Variants in ITPR2 observed in about 807,000 individuals in gnomAD.
The protein encoded by ITPR2 is inositol 1,4,5-trisphosphate receptor type 2.
Under a neutral mutation model 317.1 loss-of-function variants are expected in ITPR2, and 207 were observed. The ratio of observed to expected loss-of-function variants is 0.65; its 90% CI spans 0.58 to 0.73. The LOEUF is 0.73. Ranked by LOEUF, ITPR2 falls within the 30% of genes least tolerant of loss-of-function variation. The pLI, the probability that ITPR2 is intolerant of heterozygous loss-of-function variation, is 0.00. For synonymous variants in ITPR2, 1,156 were observed against 1,149.1 expected, an observed-to-expected ratio of 1.01 and a Z score of -0.12; for missense variants, 2,613 against 3,284.0, an observed-to-expected ratio of 0.80 and a Z score of 4.99.
At chr12:26,816,859 G>C (rs1347714411) in intron 1 of ITPR2, among the ~76,000 whole-genome samples, 1 of 151,970 alleles carries the variant, frequency 6.6e-6, no homozygotes, top group Non-Finnish European at 1.5e-5. Flanking sequence ...CAGACAGAGG[G>C]AAAAGCACAT....
intron 55 of ITPR2, among the ~76,000 whole-genome samples, chr12:26,383,678 A>G (rs149840596): frequency 0.017 from 2,034 of 118,454 alleles, 30 homozygotes; most frequent in Middle Eastern, 0.041. Context: ...TGGTATTTTT[A>G]ATAGAGATGG....
intron 26 of ITPR2, among the ~76,000 whole-genome samples, 183 bp downstream of exon 26, chr12:26,620,940 A>C (rs1037741903): frequency 1.3e-5 from 2 of 152,252 alleles, no homozygotes; most frequent in Non-Finnish European, 2.9e-5. Flanking sequence ...GTAGAAATTG[A>C]TAAGAGCTAA....
At chr12:26,428,786 T>C (rs978727957) in intron 48 of ITPR2, among the ~76,000 whole-genome samples, 24 of 152,202 alleles carry the variant, frequency 1.6e-4, no homozygotes, top group Admixed American at 2.6e-4. Flanking sequence ...CTTTAATAAG[T>C]AGTACAATTC....
intron 45 of ITPR2, among the ~76,000 whole-genome samples, chr12:26,446,093 T>C (rs1244088236): frequency 1.3e-5 from 2 of 152,124 alleles, no homozygotes; most frequent in African/African-American, 4.8e-5. Context: ...GGTTACTTTT[T>C]TTCTCAGTGA....
chr12:26,550,184 T>C (rs1944489407), intron 37 of ITPR2, 63 bp downstream of exon 37: 3 of 655,376 alleles, frequency 4.6e-6, no homozygotes, highest in South Asian at 1.9e-5. Flanking sequence ...TTGTAATTCA[T>C]AGGTTACAGT....
chr12:26,713,983 C>T (rs1265251315), intron 8 of ITPR2, among the ~76,000 whole-genome samples: 1 of 152,200 alleles, frequency 6.6e-6, no homozygotes, highest in Non-Finnish European at 1.5e-5. Context: ...TCAGTTCCAT[C>T]ACCTGTTGAT....
At chr12:26,605,863 A>C (rs1313911473) in intron 26 of ITPR2, among the ~76,000 whole-genome samples, 1 of 152,224 alleles carries the variant, frequency 6.6e-6, no homozygotes, top group African/African-American at 2.4e-5. Context: ...AAATTGAACA[A>C]AAACCCATGG....
chr12:26,503,316 C>G (rs796509278), intron 37 of ITPR2, among the ~76,000 whole-genome samples: 16 of 152,106 alleles, frequency 1.1e-4, no homozygotes, highest in African/African-American at 3.6e-4. Flanking sequence ...ACTGGTATTA[C>G]TTATCAATCA....
chr12:26,453,043 T>A (rs1941777557), intron 45 of ITPR2, among the ~76,000 whole-genome samples: 1 of 152,290 alleles, frequency 6.6e-6, no homozygotes, highest in Non-Finnish European at 1.5e-5. Flanking sequence ...AAAAATTATC[T>A]TCTAAAACAA....
At chr12:26,349,525 T>A (rs2136556267) in intron 55 of ITPR2, among the ~76,000 whole-genome samples, 1 of 152,396 alleles carries the variant, frequency 6.6e-6, no homozygotes, top group Admixed American at 6.5e-5. Context: ...TACCTTGAAA[T>A]ATTGCTCAAA....
At chr12:26,391,571 T>C (rs1238844225) in intron 54 of ITPR2, among the ~76,000 whole-genome samples, 2 of 136,306 alleles carry the variant, frequency 1.5e-5, no homozygotes, top group Non-Finnish European at 3.2e-5. Flanking sequence ...TTTTTTTTTT[T>C]TTTTTTTTTT....
rs1481538396 is a variant in ITPR2, at chr12:26,653,981, T to C, written c.2735A>G (p.Asp912Gly). ...ACATTTCCCAAAATTCTTACCTCCA[T>C]CTTGAAATTTGCTTAATCTTTCAAA... Reference protein sequence around the residue: ...SYFERLSKFQDGGNNVMRTIH... With the variant: ...SYFERLSKFQGGGNNVMRTIH... The change falls in exon 21 of 57, where the codon GAT becomes GGT. Residue 912 changes from aspartate to glycine, a missense_variant. Physicochemically the swap from Asp to Gly is moderately conservative, Grantham distance 94. Around this residue, in one of 9 missense-constraint regions of ITPR2, gnomAD observed 817 missense variants for 897.6 expected, o/e 0.91. Transcript: ENST00000381340. 2 of 1,608,902 alleles carry C rather than the reference T, an allele frequency of 1.2e-6. No homozygotes were observed. Among genetic ancestry groups the C allele is most frequent in the Non-Finnish European group, 1.7e-6 (2 of 1,176,766 alleles).
chr12:26,808,220 C>T (rs773366218), intron 1 of ITPR2, among the ~76,000 whole-genome samples: 5 of 152,130 alleles, frequency 3.3e-5, no homozygotes, highest in Non-Finnish European at 7.4e-5. Context: ...TCAATGGAGC[C>T]CTTGGTTCCA....
At chr12:26,773,814 T>G (rs1010036853) in intron 2 of ITPR2, among the ~76,000 whole-genome samples, 4 of 152,142 alleles carry the variant, frequency 2.6e-5, no homozygotes, top group African/African-American at 9.7e-5. Flanking sequence ...TGTTCTCATT[T>G]CATCCTTTGG....
At chr12:26,687,859 G>A (rs1260931232) in intron 10 of ITPR2, among the ~76,000 whole-genome samples, 2 of 152,088 alleles carry the variant, frequency 1.3e-5, no homozygotes, top group Admixed American at 1.3e-4. Context: ...AGAGTTAAAT[G>A]AAAGCAGGGG....
At chr12:26,427,800 A>G in intron 49 of ITPR2, 113 bp downstream of exon 49, 1 of 634,400 alleles carries the variant, frequency 1.6e-6, no homozygotes, top group Non-Finnish European at 2.3e-6. Flanking sequence ...TAGATTTATA[A>G]TAAATTAGAA....
intron 46 of ITPR2, among the ~76,000 whole-genome samples, chr12:26,443,336 A>C (rs1941532404): frequency 6.6e-6 from 1 of 152,188 alleles, no homozygotes; most frequent in South Asian, 2.1e-4. Flanking sequence ...TTTTACATAT[A>C]GTTTTAGTAA....
At chr12:26,773,981 ATTTTTTTTTTTTTTTTT>A (rs34106132) in intron 2 of ITPR2, among the ~76,000 whole-genome samples, 1 of 91,392 alleles carries the variant, frequency 1.1e-5, no homozygotes, top group East Asian at 3.3e-4. Context: ...CAACTGGAGA[ATTTTTTTTTTTTTTTTT>A]TTTTTTTTTT....
chr12:26,624,191 A>G, intron 24 of ITPR2, 108 bp downstream of exon 24: 1 of 738,472 alleles, frequency 1.4e-6, no homozygotes, highest in Non-Finnish European at 2.3e-6. Flanking sequence ...GCAACAATAG[A>G]GGGTCTAAAA....
Sources: gnomAD v4.1 joint callset for allele counts (sites outside exome capture counted in the v4.1 genomes callset) on GRCh38, gnomAD v4.1.1 for gene constraint, gnomAD v4.1.1 regional missense constraint, MANE v1.5 for transcripts, NCBI Gene and HGNC (gene_info 2026-07-23, HGNC 2026-07-21) for gene names.